Variants in C17orf67 observed in about 807,000 individuals in gnomAD.
C17orf67 encodes chromosome 17 open reading frame 67, also known as uncharacterized protein C17orf67.
In C17orf67, 12 loss-of-function variants were observed where a neutral mutation model predicts 11.2. That is an observed-to-expected ratio of 1.07 (90% CI 0.68 to 1.73). C17orf67 has a LOEUF of 1.73. Among genes scored for constraint, C17orf67 ranks in the 40% most tolerant of loss-of-function variants. The probability of loss-of-function intolerance (pLI) is 0.00; values close to 1 mark genes in which losing one functional copy is unlikely to be tolerated. For synonymous variants in C17orf67, 59 were observed against 46.9 expected (o/e 1.26, Z -1.05); for missense variants, 115 against 113.5 (o/e 1.01, Z -0.06).
intron 2 of C17orf67, among the ~76,000 whole-genome samples, chr17:56,830,797 T>C (rs532143312): frequency 1.3e-5 from 2 of 152,366 alleles, no homozygotes; most frequent in East Asian, 3.9e-4. Context: ...CTCACCCTAA[T>C]AGTTAAACAG....
chr17:56,818,197 C>G (rs1393661127), intron 4 of C17orf67, among the ~76,000 whole-genome samples: 1 of 151,136 alleles, frequency 6.6e-6, no homozygotes, highest in Non-Finnish European at 1.5e-5. Context: ...TCACGTTAAA[C>G]AGCTTGAGTT....
chr17:56,808,926 C>T (rs1018340210), intron 6 of C17orf67, among the ~76,000 whole-genome samples: 27 of 152,212 alleles, frequency 1.8e-4, no homozygotes, highest in Admixed American at 9.2e-4. Context: ...CATCAATGGC[C>T]TCTTCCCTCT....
At chr17:56,799,274 A>T (rs1905267988) in intron 6 of C17orf67, among the ~76,000 whole-genome samples, 1 of 152,204 alleles carries the variant, frequency 6.6e-6, no homozygotes, top group Non-Finnish European at 1.5e-5. Context: ...TGATCTTTAT[A>T]CTGTCTCTAT....
At chr17:56,822,475 T>G (rs763739160) in intron 4 of C17orf67, among the ~76,000 whole-genome samples, 1 of 152,158 alleles carries the variant, frequency 6.6e-6, no homozygotes, top group Non-Finnish European at 1.5e-5. Context: ...AATCACTGTT[T>G]TCTCACTTAT....
chr17:56,833,698 G>C lies in C17orf67; in HGVS notation c.-1082C>G, dbSNP rs1468691116. 2 of 151,734 alleles carry C rather than the reference G, an allele frequency of 1.3e-5. No homozygotes were observed. The highest frequency in any genetic ancestry group is 6.6e-5 in the Admixed American group (1 of 15,230). 9.4% of individuals were successfully genotyped at this position (151,734 alleles called of 1,614,324 possible). A position where few individuals can be genotyped will look rare whatever the true frequency, so the allele number is the denominator to read the frequency against. On this transcript the variant is annotated 5_prime_UTR_variant, in exon 1 of 8. Transcript: ENST00000397861. The stretch of plus-strand genomic sequence containing the variant: ...CTTCCCAGTCGGCTTACGCATCCCC[G>C]GCGGCGGCGGCGCCGGCATCGGCTA...
At chr17:56,832,580 A>G (rs143465005) in intron 2 of C17orf67, among the ~76,000 whole-genome samples, 3 of 152,268 alleles carry the variant, frequency 2.0e-5, no homozygotes, top group Admixed American at 1.3e-4. Flanking sequence ...CCTGACTCCC[A>G]TAACAGCCAT....
At position 56,818,842 on chromosome 17, in the gene C17orf67, G is replaced by A. The variant is rs115976761; in HGVS notation, c.-200-2832C>T. Among the ~76,000 whole-genome samples the A allele has an allele frequency of 6.3e-3, 956 of 152,206 alleles. 14 individuals carry two copies. Among genetic ancestry groups the A allele is most frequent in the African/African-American group, 0.022 (907 of 41,520 alleles). ...AGTGCTCGGTAGCCACATGTGGCTA[G>A]TGCTACCATATTAGACAACATGGAT... On this transcript the variant is annotated intron_variant, in intron 4 of 7. Coordinates refer to ENST00000397861, the MANE Select transcript of C17orf67 (RefSeq NM_001085430.4).
At chr17:56,804,417 A>G (rs1438271869) in intron 6 of C17orf67, 1 of 152,216 alleles carries the variant, frequency 6.6e-6, no homozygotes, top group Non-Finnish European at 1.5e-5. Flanking sequence ...GTAATCCTAT[A>G]TATAGAATGG....
chr17:56,803,940 A>G (rs1282996752), intron 6 of C17orf67: 1 of 152,206 alleles, frequency 6.6e-6, no homozygotes, highest in Non-Finnish European at 1.5e-5. Flanking sequence ...GCAAATTGCA[A>G]ATCTGCTGAA....
chr17:56,793,032 G>A (rs1458078356), intron 7 of C17orf67, among the ~76,000 whole-genome samples: 1 of 151,236 alleles, frequency 6.6e-6, no homozygotes, highest in East Asian at 1.9e-4. Context: ...GAACAAGAAG[G>A]AGGAGGAGGA....
rs779443216 is a variant in C17orf67, at chr17:56,795,071, G to C, written c.266C>G (p.Pro89Arg). Residue 89 changes from proline to arginine, a missense_variant, in exon 7 of 8, where the codon CCT becomes CGT. Physicochemically the swap from Pro to Arg is moderately radical, Grantham distance 103 (BLOSUM62 -2). Coordinates refer to ENST00000397861, the MANE Select transcript of C17orf67 (RefSeq NM_001085430.4). ...KPHCDRNRIH[P>R]V ...AGGCTGGTCCTGATCCCCTTACACA[G>C]GATGAATCCTGTTCCTGTCACAGTG... 6.2e-7 allele frequency: 1 copy of C among 1,613,780 alleles called. No homozygotes were observed. The highest frequency in any genetic ancestry group is 8.5e-7 in the Non-Finnish European group (1 of 1,179,770).
intron 2 of C17orf67, among the ~76,000 whole-genome samples, chr17:56,829,327 A>G (rs1906128478): frequency 6.6e-6 from 1 of 152,178 alleles, no homozygotes; most frequent in African/African-American, 2.4e-5. Context: ...GAACTCAAAG[A>G]AGAGAGGTTT....
At chr17:56,831,997 G>T (rs1906217446) in intron 2 of C17orf67, among the ~76,000 whole-genome samples, 1 of 152,058 alleles carries the variant, frequency 6.6e-6, no homozygotes, top group Admixed American at 6.6e-5. Flanking sequence ...GCCCCGGCTG[G>T]AATACATTGG....
intron 2 of C17orf67, among the ~76,000 whole-genome samples, chr17:56,825,966 C>T (rs1356139747): frequency 4.6e-5 from 7 of 151,242 alleles, no homozygotes; most frequent in African/African-American, 1.5e-4. Context: ...TGTGTGCACG[C>T]GTGTGTGTGA....
At position 56,802,827 on chromosome 17, in the gene C17orf67, G is replaced by A. The variant is rs115166660; in HGVS notation, c.157-7647C>T. Among the ~76,000 whole-genome samples, 955 of 152,334 alleles carry A rather than the reference G, an allele frequency of 6.3e-3. 14 individuals carry two copies. The highest frequency in any genetic ancestry group is 0.022 in the African/African-American group (909 of 41,580). On this transcript the variant is annotated intron_variant, in intron 6 of 7. Transcript: ENST00000397861. ...AGACTACAGCATCATTCTTCAAAGC[G>A]TGAGCTGTGCTCCCCTCAGAGGCCC...
chr17:56,797,297 A>G (rs1459847817), intron 6 of C17orf67, among the ~76,000 whole-genome samples: 1 of 152,172 alleles, frequency 6.6e-6, no homozygotes, highest in Non-Finnish European at 1.5e-5. Flanking sequence ...CCAAGGGTGG[A>G]GAACCCTTAG....
At chr17:56,817,832 T>C (rs1156576954) in intron 4 of C17orf67, among the ~76,000 whole-genome samples, 2 of 148,382 alleles carry the variant, frequency 1.3e-5, no homozygotes, top group African/African-American at 5.0e-5. Flanking sequence ...CACATAATTT[T>C]CAATAACTAA....
chr17:56,808,131 A>C (rs1427186754), intron 6 of C17orf67, among the ~76,000 whole-genome samples: 1 of 151,974 alleles, frequency 6.6e-6, no homozygotes, highest in Non-Finnish European at 1.5e-5. Flanking sequence ...TACCCCTGCC[A>C]CTTCCACATT....
chr17:56,811,601 A>G (rs1324892542), intron 6 of C17orf67, among the ~76,000 whole-genome samples: 2 of 152,188 alleles, frequency 1.3e-5, no homozygotes, highest in Admixed American at 1.3e-4. Flanking sequence ...TAACCTCGTT[A>G]GTGAGCCCAA....
Sources: gnomAD v4.1 joint callset for allele counts (sites outside exome capture counted in the v4.1 genomes callset) on GRCh38, gnomAD v4.1.1 for gene constraint, MANE v1.5 for transcripts, NCBI Gene and HGNC (gene_info 2026-07-23, HGNC 2026-07-21) for gene names.